The following CRIM1 variants were observed in gnomAD, a reference collection of about 807,000 sequenced individuals.
The protein encoded by CRIM1 is cysteine-rich motor neuron 1 protein.
In CRIM1, 32 loss-of-function variants were observed where a neutral mutation model predicts 116.4. That is an observed-to-expected ratio of 0.27 (90% CI 0.21 to 0.37). The LOEUF (loss-of-function observed/expected upper bound fraction) is 0.37, where lower values mean the gene tolerates loss of function less well. CRIM1 is among the 10% of genes least tolerant of loss of function. The pLI is 1.00. For missense variants in CRIM1, 1,331 were observed against 1,354.8 expected (o/e 0.98, Z 0.28); for synonymous variants, 590 against 509.2 (o/e 1.16, Z -2.13).
chr2:36,484,803 G>A (rs752508791), intron 7 of CRIM1, among the ~76,000 whole-genome samples: 2 of 152,110 alleles, frequency 1.3e-5, no homozygotes, highest in Non-Finnish European at 2.9e-5. Context: ...GAACAACTTA[G>A]GTAATATTTT....
At chr2:36,531,638 T>C (rs993374602) in intron 13 of CRIM1, among the ~76,000 whole-genome samples, 1 of 152,202 alleles carries the variant, frequency 6.6e-6, no homozygotes, top group Non-Finnish European at 1.5e-5. Context: ...TCTTTTCTTA[T>C]CTTGAAAAGA....
intron 12 of CRIM1, among the ~76,000 whole-genome samples, chr2:36,517,797 C>T (rs1406812484): frequency 6.6e-6 from 1 of 152,166 alleles, no homozygotes; most frequent in Admixed American, 6.5e-5. Context: ...CAATTTTTTT[C>T]CTTAACCCTG....
At chr2:36,360,464 A>G (rs571756353) in intron 1 of CRIM1, among the ~76,000 whole-genome samples, 10 of 152,306 alleles carry the variant, frequency 6.6e-5, no homozygotes, top group Non-Finnish European at 8.8e-5. Context: ...TCAGAACGCA[A>G]TCCTCCTTTT....
At chr2:36,402,502 T>G (rs1296150460) in intron 2 of CRIM1, among the ~76,000 whole-genome samples, 1 of 151,984 alleles carries the variant, frequency 6.6e-6, no homozygotes, top group Non-Finnish European at 1.5e-5. Flanking sequence ...TGATGAGATG[T>G]ATGGATTTTG....
At chr2:36,430,512 T>G (rs761122736) in intron 2 of CRIM1, among the ~76,000 whole-genome samples, 16 of 152,216 alleles carry the variant, frequency 1.1e-4, no homozygotes, top group Admixed American at 2.0e-4. Context: ...ATCCCTTTGC[T>G]CAGCTGCAGC....
At chr2:36,491,275 C>CGA (rs1680207449) in intron 7 of CRIM1, among the ~76,000 whole-genome samples, 1 of 152,124 alleles carries the variant, frequency 6.6e-6, no homozygotes, top group Non-Finnish European at 1.5e-5. Context: ...TTTAACCCAT[C>CGA]TCAGGAAACC....
intron 8 of CRIM1, among the ~76,000 whole-genome samples, chr2:36,502,235 C>T (rs1196473215): frequency 3.3e-5 from 5 of 152,124 alleles, no homozygotes; most frequent in African/African-American, 7.2e-5. Flanking sequence ...AAGCAGTTTC[C>T]CTCAACTGCC....
At position 36,463,950 on chromosome 2, in the gene CRIM1, G is replaced by A. The variant is rs146800602; in HGVS notation, c.870-584G>A. ...TAAAGAGCTCCTCAGTCTTCAGTCC[G>A]TTTCTTTTATTGTGCACAGTCATAA... On this transcript the variant is annotated intron_variant, in intron 4 of 16. Coordinates refer to ENST00000280527, the MANE Select transcript of CRIM1 (RefSeq NM_016441.3). Among the ~76,000 whole-genome samples the A allele has an allele frequency of 2.6e-4, 39 of 152,280 alleles. No individual in the cohort carries two copies. The East Asian group carries it at 3.5e-3, about 14-fold the overall frequency.
At chr2:36,505,061 G>A (rs1195533608) in intron 8 of CRIM1, among the ~76,000 whole-genome samples, 2 of 152,170 alleles carry the variant, frequency 1.3e-5, no homozygotes, top group African/African-American at 4.8e-5. Context: ...GAAGGTTGCA[G>A]CATCAAATAT....
chr2:36,425,595 T>C (rs1465912117), intron 2 of CRIM1, among the ~76,000 whole-genome samples: 1 of 152,204 alleles, frequency 6.6e-6, no homozygotes, highest in African/African-American at 2.4e-5. Flanking sequence ...GGAACGGAAA[T>C]TAGATTCCAG....
intron 14 of CRIM1, among the ~76,000 whole-genome samples, chr2:36,539,502 C>T (rs542619687): frequency 2.0e-5 from 3 of 152,232 alleles, no homozygotes; most frequent in South Asian, 4.2e-4. Context: ...GAGCAGGGAG[C>T]GACAGGATCT....
At chr2:36,397,121 G>A (rs1049787455) in intron 2 of CRIM1, among the ~76,000 whole-genome samples, 16 of 152,134 alleles carry the variant, frequency 1.1e-4, no homozygotes, top group African/African-American at 3.9e-4. Flanking sequence ...ACCGTAGGAT[G>A]GTGCTCCATG....
At position 36,402,025 on chromosome 2, in the gene CRIM1, G is replaced by C. The variant is rs145571702; in HGVS notation, c.505+5238G>C. On this transcript the variant is annotated intron_variant, in intron 2 of 16. Coordinates refer to ENST00000280527, the MANE Select transcript of CRIM1 (RefSeq NM_016441.3). ...AGTACAGGGAAGACAGAGGCTCCCA[G>C]CTCTGTGCCCACCCACATTTTTATA... Among the ~76,000 whole-genome samples, 419 of 152,292 alleles carry C rather than the reference G, an allele frequency of 2.8e-3. 2 individuals are homozygous for C. The highest frequency in any genetic ancestry group is 9.6e-3 in the African/African-American group (399 of 41,560).
intron 5 of CRIM1, among the ~76,000 whole-genome samples, chr2:36,468,755 C>G (rs1221842155): frequency 6.6e-6 from 1 of 152,150 alleles, no homozygotes; most frequent in Non-Finnish European, 1.5e-5. Context: ...AACACAGTAC[C>G]CCCTGCTGTC....
At chr2:36,487,253 T>G (rs879719239) in intron 7 of CRIM1, among the ~76,000 whole-genome samples, 2 of 152,172 alleles carry the variant, frequency 1.3e-5, no homozygotes, top group Non-Finnish European at 2.9e-5. Context: ...GATTACACTT[T>G]TCCTATGAAG....
At chr2:36,510,265 T>TAA in intron 9 of CRIM1, 126 bp downstream of exon 9, 1 of 861,026 alleles carries the variant, frequency 1.2e-6, no homozygotes, top group Non-Finnish European at 1.8e-6. Flanking sequence ...TGTCTATACT[T>TAA]GTTTTGTTAG....
chr2:36,536,805 A>T (rs552612510), intron 13 of CRIM1, among the ~76,000 whole-genome samples: 2 of 115,616 alleles, frequency 1.7e-5, no homozygotes, highest in African/African-American at 8.4e-5. Flanking sequence ...TTTCTGGGGG[A>T]AAAAAATGGA....
At chr2:36,386,252 A>G (rs1255071144) in intron 1 of CRIM1, among the ~76,000 whole-genome samples, 2 of 152,256 alleles carry the variant, frequency 1.3e-5, no homozygotes, top group Admixed American at 1.3e-4. Context: ...AATTATTGTC[A>G]TAATACACAG....
chr2:36,414,546 G>C (rs1029663741), intron 2 of CRIM1, among the ~76,000 whole-genome samples: 1 of 152,206 alleles, frequency 6.6e-6, no homozygotes, highest in Non-Finnish European at 1.5e-5. Context: ...AAAATTATGT[G>C]ATTGCTGTTG....
Sources: allele counts gnomAD v4.1 joint callset (sites outside exome capture counted in the v4.1 genomes callset), GRCh38; gene constraint gnomAD v4.1.1; transcripts MANE v1.5; gene names NCBI Gene and HGNC (gene_info 2026-07-23, HGNC 2026-07-21).